HELZ: variants seen among roughly 807,000 people sequenced by gnomAD.
The protein encoded by HELZ is helicase with zinc finger.
In HELZ, 23 loss-of-function variants were observed where a neutral mutation model predicts 218.2. That is an observed-to-expected ratio of 0.11 (90% CI 0.08 to 0.15). HELZ has a LOEUF of 0.15. Among genes scored for constraint, HELZ ranks in the 10% least tolerant of loss-of-function variants. The probability of loss-of-function intolerance (pLI) is 1.00; values close to 1 mark genes in which losing one functional copy is unlikely to be tolerated. For synonymous variants in HELZ, 814 were observed against 829.4 expected, an observed-to-expected ratio of 0.98 and a Z score of 0.32; for missense variants, 1,813 against 2,353.7, an observed-to-expected ratio of 0.77 and a Z score of 4.75.
chr17:67,135,205 G>A (rs756054770), intron 23 of HELZ, among the ~76,000 whole-genome samples: 8 of 152,146 alleles, frequency 5.3e-5, no homozygotes, highest in East Asian at 1.9e-4. Flanking sequence ...TAATGACCAC[G>A]TCTAACCCCC....
intron 31 of HELZ, among the ~76,000 whole-genome samples, chr17:67,102,398 G>GT (rs1248436210): frequency 6.6e-6 from 1 of 152,152 alleles, no homozygotes; most frequent in Non-Finnish European, 1.5e-5. Flanking sequence ...TGCTGGCCAT[G>GT]TATTTCATTT....
At chr17:67,142,301 G>A (rs1013714620) in intron 21 of HELZ, among the ~76,000 whole-genome samples, 1 of 151,914 alleles carries the variant, frequency 6.6e-6, no homozygotes, top group African/African-American at 2.4e-5. Flanking sequence ...GAGCCCAGGA[G>A]TTCAAGACCA....
At chr17:67,086,631 A>ATATAT (rs1598183996) in intron 32 of HELZ, among the ~76,000 whole-genome samples, 198 bp downstream of exon 32, 177 of 93,266 alleles carry the variant, frequency 1.9e-3, no homozygotes, top group African/African-American at 6.2e-3. Flanking sequence ...TATAAATATA[A>ATATAT]ATATATATAT....
chr17:67,189,969 A>G lies in HELZ; in HGVS notation c.756+188T>C, dbSNP rs75223617. Among the ~76,000 whole-genome samples, 868 of 152,314 alleles carry G rather than the reference A, an allele frequency of 5.7e-3. 8 individuals carry two copies. The highest frequency in any genetic ancestry group is 0.02 in the African/African-American group (829 of 41,568). ...ATACAGTACAGGCAAATCTCCAAAC[A>G]AGTGGTTTAGTTCTGCTCTTCATTT... On this transcript the variant is annotated intron_variant, in intron 10 of 32. Transcript: ENST00000358691.
At chr17:67,130,458 T>C (rs1488035212) in intron 23 of HELZ, among the ~76,000 whole-genome samples, 1 of 152,170 alleles carries the variant, frequency 6.6e-6, no homozygotes, top group Non-Finnish European at 1.5e-5. Flanking sequence ...TGCTACAAAA[T>C]ATTAAATATG....
intron 3 of HELZ, among the ~76,000 whole-genome samples, chr17:67,233,467 G>A (rs769324696): frequency 2.6e-5 from 4 of 152,112 alleles, no homozygotes; most frequent in Non-Finnish European, 4.4e-5. Context: ...AGACACCACC[G>A]CTAAGAACCT....
At chr17:67,088,979 G>A (rs1050745586) in intron 31 of HELZ, among the ~76,000 whole-genome samples, 1 of 152,120 alleles carries the variant, frequency 6.6e-6, no homozygotes, top group African/African-American at 2.4e-5. Flanking sequence ...GCTGCGCAGC[G>A]TGTCTTTTTT....
chr17:67,085,886 T>C (rs1463553543), intron 32 of HELZ, among the ~76,000 whole-genome samples: 1 of 152,232 alleles, frequency 6.6e-6, no homozygotes, highest in East Asian at 1.9e-4. Flanking sequence ...GACTCTAGAT[T>C]TTCCATCATA....
rs935523688 is a variant in HELZ, at chr17:67,172,972, C to A, written c.1431-5176G>T. On this transcript the variant is annotated intron_variant, in intron 13 of 32. Coordinates refer to ENST00000358691, the MANE Select transcript of HELZ (RefSeq NM_014877.4). ...ATCACCATCCCAAAACACTTGATCA[C>A]AATTTAGCAGGCATGAAAAGTTAAT... 5.3e-6 allele frequency: 4 copies of A among 747,862 alleles called. No homozygotes were observed. The African/African-American group carries it at 7.6e-5, about 14-fold the overall frequency. 46.3% of individuals were successfully genotyped at this position (747,862 alleles called of 1,614,324 possible). A position where few individuals can be genotyped will look rare whatever the true frequency, so the allele number is the denominator to read the frequency against.
At chr17:67,212,744 A>C (rs2040490890) in intron 5 of HELZ, among the ~76,000 whole-genome samples, 3 of 152,170 alleles carry the variant, frequency 2.0e-5, no homozygotes, top group Admixed American at 2.0e-4. Context: ...CTCCTTCCTT[A>C]TTGGAAGGTA....
At chr17:67,124,344 T>G (rs1436317292) in intron 24 of HELZ, among the ~76,000 whole-genome samples, 1 of 152,192 alleles carries the variant, frequency 6.6e-6, no homozygotes, top group Admixed American at 6.5e-5. Context: ...GAAATAGAAT[T>G]GCAGTTTCTC....
At position 67,236,076 on chromosome 17, in the gene HELZ, G is replaced by C. The variant is rs150595363; in HGVS notation, c.-19+3357C>G. Among the ~76,000 whole-genome samples the C allele has an allele frequency of 5.2e-3, 797 of 152,152 alleles. 6 individuals are homozygous for C. Among genetic ancestry groups the C allele is most frequent in the African/African-American group, 0.018 (762 of 41,530 alleles). On this transcript the variant is annotated intron_variant, in intron 3 of 32. Coordinates refer to ENST00000358691, the MANE Select transcript of HELZ (RefSeq NM_014877.4). ...CACCCAGCCTCGACCACACACTCTT[G>C]TGAACAATTTTTACTGACCATATTA...
At chr17:67,196,650 A>C (rs2040039887) in intron 7 of HELZ, among the ~76,000 whole-genome samples, 2 of 137,200 alleles carry the variant, frequency 1.5e-5, no homozygotes, top group Non-Finnish European at 1.6e-5. Context: ...GGATGGGAAC[A>C]TGGGTAGGTG....
intron 5 of HELZ, among the ~76,000 whole-genome samples, chr17:67,208,460 G>A (rs906627110): frequency 2.6e-5 from 4 of 152,122 alleles, no homozygotes; most frequent in African/African-American, 9.7e-5. Context: ...ATAACTGGGG[G>A]AAAGTAGGTG....
intron 21 of HELZ, among the ~76,000 whole-genome samples, chr17:67,142,154 G>A (rs2038346560): frequency 6.6e-6 from 1 of 151,964 alleles, no homozygotes; most frequent in African/African-American, 2.4e-5. Context: ...AACTACATGA[G>A]ACATAGAGAA....
Position 67,145,821 on chromosome 17 carries a change from G to C in HELZ, c.2691C>G (p.Phe897Leu). The stretch of plus-strand genomic sequence containing the variant: ...GTGCTGTAAAGAAAGTTAGTGGGTA[G>C]AAATCTTTGTGTGCTGGCTGCTTCC... ...ASGKQPAHKD[F>L]YPLTFFTARG... The change falls in exon 21 of 33, where the codon TTC becomes TTG. Residue 897 changes from phenylalanine to leucine, a missense_variant. By Grantham distance (22) the Phe-to-Leu change is conservative. Transcript: ENST00000358691. 6.2e-7 allele frequency: 1 copy of C among 1,613,630 alleles called. No individual in the cohort carries two copies. Among genetic ancestry groups the C allele is most frequent in the Non-Finnish European group, 8.5e-7 (1 of 1,179,708 alleles).
chr17:67,089,350 A>G lies in HELZ; in HGVS notation c.5242-2269T>C, dbSNP rs564130482. Among the ~76,000 whole-genome samples the G allele has an allele frequency of 3.3e-5, 5 of 152,270 alleles. No homozygotes were observed. In the South Asian group the frequency reaches 1.0e-3, roughly 32 times the overall value. ...GCTTAAAGGAAGAAAACGAAAACTC[A>G]GAAAGAAATGGAAGGCTGATATAAG... On this transcript the variant is annotated intron_variant, in intron 31 of 32. Coordinates refer to ENST00000358691, the MANE Select transcript of HELZ (RefSeq NM_014877.4).
chr17:67,128,894 G>T, intron 23 of HELZ, 39 bp from the exon 24 acceptor site: 1 of 1,398,932 alleles, frequency 7.1e-7, no homozygotes, highest in Non-Finnish European at 1.0e-6. Flanking sequence ...ACAATTCAAT[G>T]GATGAGATCA....
intron 27 of HELZ, chr17:67,119,971 TATGTTAGATTCTCTC>T: frequency 2.4e-6 from 1 of 413,920 alleles, no homozygotes; most frequent in Non-Finnish European, 4.6e-6. Context: ...CCATAGTTTA[TATGTTAGATTCTCTC>T]CCTTTTCTTT....
Sources: allele counts gnomAD v4.1 joint callset (sites outside exome capture counted in the v4.1 genomes callset), GRCh38; gene constraint gnomAD v4.1.1; transcripts MANE v1.5; gene names NCBI Gene and HGNC (gene_info 2026-07-23, HGNC 2026-07-21).